RHBDL2: variants seen among roughly 807,000 people sequenced by gnomAD.
RHBDL2 encodes rhomboid-related protein 2.
A neutral mutation model predicts 31.7 loss-of-function variants in RHBDL2; 26 were observed. That is an observed-to-expected ratio of 0.82 (90% CI 0.60 to 1.14). The LOEUF is 1.14. Among genes scored for constraint, RHBDL2 ranks in the 50% most tolerant of loss-of-function variants. The probability of loss-of-function intolerance (pLI) is 0.00; values close to 1 mark genes in which losing one functional copy is unlikely to be tolerated. For missense variants in RHBDL2, 336 were observed against 364.4 expected (o/e 0.92, Z 0.63); for synonymous variants, 123 against 127.2 (o/e 0.97, Z 0.22).
chr1:38,927,200 G>T (rs1467666826), intron 1 of RHBDL2, among the ~76,000 whole-genome samples: 2 of 152,132 alleles, frequency 1.3e-5, no homozygotes, highest in Non-Finnish European at 2.9e-5. Flanking sequence ...GGCCAAGGCG[G>T]GTGGATCACA....
At chr1:38,910,942 C>G (rs1397345772) in intron 4 of RHBDL2, among the ~76,000 whole-genome samples, 1 of 95,032 alleles carries the variant, frequency 1.1e-5, no homozygotes, top group African/African-American at 2.9e-5. Flanking sequence ...CCACCCCCAG[C>G]TAATTTTTGT....
At chr1:38,933,128 T>C (rs1643456521) in intron 1 of RHBDL2, among the ~76,000 whole-genome samples, 1 of 152,200 alleles carries the variant, frequency 6.6e-6, no homozygotes, top group Non-Finnish European at 1.5e-5. Context: ...CTACCTTCTT[T>C]GTGGAATTCA....
At chr1:38,901,744 G>A (rs902497337) in intron 4 of RHBDL2, among the ~76,000 whole-genome samples, 104 of 151,332 alleles carry the variant, frequency 6.9e-4, no homozygotes, top group Non-Finnish European at 5.9e-5. Flanking sequence ...GCTGAGGCAA[G>A]AGAATTGCTT....
intron 1 of RHBDL2, among the ~76,000 whole-genome samples, chr1:38,940,296 GC>G (rs1643547796): frequency 6.6e-6 from 1 of 152,160 alleles, no homozygotes; most frequent in African/African-American, 2.4e-5. Context: ...TCTGGACTCA[GC>G]CCTGGTCCAG....
At chr1:38,904,751 G>A (rs1195777413) in intron 4 of RHBDL2, among the ~76,000 whole-genome samples, 1 of 149,800 alleles carries the variant, frequency 6.7e-6, no homozygotes, top group Non-Finnish European at 1.5e-5. Context: ...ATAAAAATTG[G>A]CCGGGCGCGG....
At chr1:38,889,820 T>G (rs1642832276) in intron 6 of RHBDL2, among the ~76,000 whole-genome samples, 1 of 152,194 alleles carries the variant, frequency 6.6e-6, no homozygotes, top group Admixed American at 6.5e-5. Flanking sequence ...TATGCTCTAC[T>G]TAGTGAGCCA....
intron 2 of RHBDL2, among the ~76,000 whole-genome samples, chr1:38,916,796 G>A (rs981511747): frequency 1.3e-5 from 2 of 150,438 alleles, no homozygotes; most frequent in African/African-American, 4.9e-5. Context: ...ACTTGACCCT[G>A]GACAGCGGAG....
At chr1:38,936,069 C>T (rs1210035276) in intron 1 of RHBDL2, among the ~76,000 whole-genome samples, 3 of 152,016 alleles carry the variant, frequency 2.0e-5, no homozygotes, top group South Asian at 2.1e-4. Flanking sequence ...CATGCCACCA[C>T]GCCCAGCAAA....
chr1:38,921,172 A>G (rs770198073), intron 1 of RHBDL2, among the ~76,000 whole-genome samples: 1 of 152,212 alleles, frequency 6.6e-6, no homozygotes, highest in Non-Finnish European at 1.5e-5. Flanking sequence ...ACTTGAGGTC[A>G]GGAGTTTCAG....
chr1:38,937,346 C>T (rs12098169), intron 1 of RHBDL2, among the ~76,000 whole-genome samples: 2 of 152,178 alleles, frequency 1.3e-5, no homozygotes, highest in East Asian at 3.8e-4. Flanking sequence ...CTTGCTATCT[C>T]TCAGGAACAC....
intron 1 of RHBDL2, among the ~76,000 whole-genome samples, chr1:38,935,263 G>T (rs960846457): frequency 2.0e-5 from 3 of 152,136 alleles, no homozygotes; most frequent in African/African-American, 7.2e-5. Flanking sequence ...TTTTTAAAAG[G>T]TTCCATAAAT....
intron 1 of RHBDL2, chr1:38,929,531 A>T (rs1643417122): frequency 8.5e-6 from 11 of 1,289,258 alleles, no homozygotes; most frequent in Non-Finnish European, 1.1e-5. Context: ...GGTTTTAAAT[A>T]TCTGAATTGT....
At chr1:38,918,943 G>A in intron 2 of RHBDL2, 24 bp downstream of exon 2, 2 of 1,601,630 alleles carry the variant, frequency 1.2e-6, no homozygotes, top group Non-Finnish European at 8.5e-7. Context: ...ACTTACCCCG[G>A]TGCCCACCCC....
intron 4 of RHBDL2, among the ~76,000 whole-genome samples, chr1:38,904,899 C>T (rs1036457290): frequency 4.7e-5 from 7 of 148,932 alleles, no homozygotes; most frequent in Admixed American, 2.0e-4. Context: ...GGCGTGGTAG[C>T]GGGCGCCTGT....
chr1:38,886,515 G>A lies in RHBDL2; in HGVS notation c.901C>T (p.Pro301Ser). 6.3e-7 allele frequency: 1 copy of A among 1,581,148 alleles called. No homozygotes were observed. The highest frequency in any genetic ancestry group is 1.3e-5 in the African/African-American group (1 of 74,414). The change falls in exon 8 of 8, where the codon CCA (proline) becomes TCA (serine). Residue 301 changes from proline (P) to serine (S), a missense_variant. Physicochemically the swap from Pro to Ser is moderately conservative, Grantham distance 74. Transcript: ENST00000372990. ...ACAATAGGGGCAGGTCAGTTTGCTG[G>A]AGATAGGAAAATGTTGAAAAACACA... ...FAVFFNIFLSPAN is the reference protein window; with the variant it reads ...FAVFFNIFLSSAN
intron 3 of RHBDL2, among the ~76,000 whole-genome samples, chr1:38,915,171 C>T (rs1643215241): frequency 6.7e-6 from 1 of 149,452 alleles, no homozygotes. Context: ...TCACTCTTGT[C>T]CCCCAGCCTG....
chr1:38,919,762 C>T (rs933302644), intron 1 of RHBDL2, among the ~76,000 whole-genome samples: 5 of 151,994 alleles, frequency 3.3e-5, no homozygotes, highest in East Asian at 1.9e-4. Flanking sequence ...TTAGTAGAGA[C>T]AGGGTTTCAC....
intron 1 of RHBDL2, among the ~76,000 whole-genome samples, chr1:38,925,374 T>C (rs919151733): frequency 6.6e-6 from 1 of 152,064 alleles, no homozygotes; most frequent in Non-Finnish European, 1.5e-5. Context: ...GGCATGTGCC[T>C]GTAATCCCAG....
In RHBDL2 at chr1:38,918,962, T is replaced by C. The variant is rs1318760142; in HGVS notation, c.246+5A>G. 4.3e-6 allele frequency: 7 copies of C among 1,610,002 alleles called. No homozygotes were observed. The highest frequency in any genetic ancestry group is 5.9e-6 in the Non-Finnish European group (7 of 1,176,794). Reference sequence around the variant, plus strand: ...ACCCCGGTGCCCACCCCGCTCCCCATTCACCTCGGCCAGGCTGATGGAGAT... The same window carrying C: ...ACCCCGGTGCCCACCCCGCTCCCCACTCACCTCGGCCAGGCTGATGGAGAT... On this transcript the variant is annotated splice_donor_5th_base_variant and intron_variant, in intron 2 of 7. Transcript: ENST00000372990.
Sources: gnomAD v4.1 joint callset for allele counts (sites outside exome capture counted in the v4.1 genomes callset) on GRCh38, gnomAD v4.1.1 for gene constraint, MANE v1.5 for transcripts, NCBI Gene and HGNC (gene_info 2026-07-23, HGNC 2026-07-21) for gene names.